THEMIS: variants seen among roughly 807,000 people sequenced by gnomAD.
The protein encoded by THEMIS is thymocyte selection associated, also known as protein THEMIS.
In THEMIS, 37 loss-of-function variants were observed where a neutral mutation model predicts 52.6. That is an observed-to-expected ratio of 0.70 (90% confidence interval 0.54 to 0.93). The LOEUF (loss-of-function observed/expected upper bound fraction) is 0.93. THEMIS is among the 40% of genes least tolerant of loss of function. The pLI, the probability that THEMIS is intolerant of heterozygous loss-of-function variation, is 0.00. For synonymous variants in THEMIS, 292 were observed against 272.7 expected, an observed-to-expected ratio of 1.07 and a Z score of -0.70; for missense variants, 808 against 763.1, an observed-to-expected ratio of 1.06 and a Z score of -0.69.
At chr6:127,831,688 T>C (rs1422166675) in intron 2 of THEMIS, among the ~76,000 whole-genome samples, 1 of 152,146 alleles carries the variant, frequency 6.6e-6, no homozygotes, top group Non-Finnish European at 1.5e-5. Flanking sequence ...ATAAACTTCC[T>C]GAAAAACTGT....
chr6:127,878,198 C>G (rs1325289104), intron 1 of THEMIS, among the ~76,000 whole-genome samples: 3 of 152,284 alleles, frequency 2.0e-5, no homozygotes, highest in East Asian at 3.9e-4. Flanking sequence ...CATTCCTGTT[C>G]TTGCAAAGTG....
chr6:127,914,876 G>A (rs1781488069), intron 1 of THEMIS, among the ~76,000 whole-genome samples: 2 of 152,090 alleles, frequency 1.3e-5, no homozygotes, highest in Non-Finnish European at 2.9e-5. Flanking sequence ...TACAGATAAA[G>A]TGCCAAGTAA....
intron 1 of THEMIS, among the ~76,000 whole-genome samples, chr6:127,881,662 T>C (rs1341549468): frequency 1.3e-5 from 2 of 151,964 alleles, no homozygotes; most frequent in Non-Finnish European, 2.9e-5. Context: ...TATTTTCCTC[T>C]ACAGCTTTTG....
At chr6:127,853,067 C>G (rs1779485516) in intron 2 of THEMIS, among the ~76,000 whole-genome samples, 1 of 151,522 alleles carries the variant, frequency 6.6e-6, no homozygotes, top group East Asian at 1.9e-4. Flanking sequence ...TTTTAACTTA[C>G]TAAATATTTA....
intron 5 of THEMIS, among the ~76,000 whole-genome samples, chr6:127,713,991 G>T (rs1343473885): frequency 6.6e-6 from 1 of 151,880 alleles, no homozygotes; most frequent in African/African-American, 2.4e-5. Flanking sequence ...GATAGCAGCA[G>T]ATAGCTTAGA....
upstream of THEMIS, among the ~76,000 whole-genome samples, chr6:127,905,182 G>A (rs962191087): frequency 6.6e-6 from 1 of 151,922 alleles, no homozygotes; most frequent in Non-Finnish European, 1.5e-5. Flanking sequence ...TGCAAAAGAA[G>A]GCACACTAAG....
At chr6:127,787,880 T>TATAGATAGATAGATAGATAG (rs1554224618) in intron 4 of THEMIS, among the ~76,000 whole-genome samples, 1 of 119,908 alleles carries the variant, frequency 8.3e-6, no homozygotes, top group Non-Finnish European at 1.9e-5. Flanking sequence ...GATAGATAGA[T>TATAGATAGATAGATAGATAG]ATAGATAGAT....
intron 1 of THEMIS, among the ~76,000 whole-genome samples, chr6:127,887,016 C>A (rs9491885): frequency 1.4e-3 from 214 of 151,754 alleles, no homozygotes; most frequent in Middle Eastern, 6.8e-3. Flanking sequence ...ACCTCCCCCC[C>A]CAAAAAATAC....
At chr6:127,743,581 C>T (rs932703664) in intron 4 of THEMIS, among the ~76,000 whole-genome samples, 1 of 151,996 alleles carries the variant, frequency 6.6e-6, no homozygotes, top group African/African-American at 2.4e-5. Context: ...GAAAAATGTA[C>T]AAGTGGTTTT....
intron 1 of THEMIS, among the ~76,000 whole-genome samples, chr6:127,879,053 C>G (rs183729691): frequency 6.6e-6 from 1 of 152,084 alleles, no homozygotes; most frequent in African/African-American, 2.4e-5. Flanking sequence ...GGTAAAGCCT[C>G]TGTTACAATA....
At chr6:127,917,766 T>C (rs962636445) in intron 1 of THEMIS, among the ~76,000 whole-genome samples, 12 of 152,176 alleles carry the variant, frequency 7.9e-5, no homozygotes, top group Admixed American at 2.0e-4. Flanking sequence ...CTAAAAGATA[T>C]ACTGGAAATC....
intron 2 of THEMIS, among the ~76,000 whole-genome samples, chr6:127,835,802 A>T (rs1778857280): frequency 6.6e-6 from 1 of 152,152 alleles, no homozygotes; most frequent in Non-Finnish European, 1.5e-5. Context: ...TGAATATGGA[A>T]ATGAGCCTCA....
chr6:127,846,942 A>G (rs1779234807), intron 2 of THEMIS, among the ~76,000 whole-genome samples: 1 of 151,986 alleles, frequency 6.6e-6, no homozygotes, highest in South Asian at 2.1e-4. Flanking sequence ...ATACATCATT[A>G]TCACATGAGT....
intron 4 of THEMIS, among the ~76,000 whole-genome samples, chr6:127,733,300 C>T (rs775752109): frequency 1.3e-5 from 2 of 152,134 alleles, no homozygotes; most frequent in South Asian, 2.1e-4. Flanking sequence ...TTGTACCTTG[C>T]GTTTTCACTT....
chr6:127,725,798 A>G (rs977097807), intron 4 of THEMIS, among the ~76,000 whole-genome samples: 28 of 152,148 alleles, frequency 1.8e-4, no homozygotes, highest in South Asian at 4.1e-4. Context: ...CCCTATCCCA[A>G]AGACATGCTA....
intron 4 of THEMIS, among the ~76,000 whole-genome samples, chr6:127,801,574 C>A (rs921972709): frequency 1.3e-5 from 2 of 152,032 alleles, no homozygotes; most frequent in African/African-American, 4.8e-5. Context: ...TCTCATGAAC[C>A]TTTTTTGCTT....
At chr6:127,895,138 C>T (rs561740878) in intron 1 of THEMIS, among the ~76,000 whole-genome samples, 2 of 151,044 alleles carry the variant, frequency 1.3e-5, no homozygotes, top group African/African-American at 2.4e-5. Context: ...CCTATTTATT[C>T]GGAAAACTCC....
intron 4 of THEMIS, among the ~76,000 whole-genome samples, chr6:127,727,712 A>G (rs1432344732): frequency 1.3e-5 from 2 of 152,134 alleles, no homozygotes; most frequent in African/African-American, 2.4e-5. Context: ...CAAGCCTTCA[A>G]ATTACTGTAT....
At chr6:127,866,078 GT>G (rs1779962351) in intron 1 of THEMIS, among the ~76,000 whole-genome samples, 1 of 151,996 alleles carries the variant, frequency 6.6e-6, no homozygotes, top group Non-Finnish European at 1.5e-5. Context: ...GAAATGCAGT[GT>G]TGTAACTCAC....
Sources: gnomAD v4.1 joint callset for allele counts (sites outside exome capture counted in the v4.1 genomes callset) on GRCh38, gnomAD v4.1.1 for gene constraint, MANE v1.5 for transcripts, NCBI Gene and HGNC (gene_info 2026-07-23, HGNC 2026-07-21) for gene names.